DAAM1: variants seen among roughly 807,000 people sequenced by gnomAD.
DAAM1 encodes disheveled-associated activator of morphogenesis 1.
DAAM1 carries 52 observed loss-of-function variants against 130.0 expected under a neutral mutation model. The observed-to-expected ratio is 0.40, with a 90% CI of 0.32 to 0.50. DAAM1 has a LOEUF of 0.50. Ranked by LOEUF, DAAM1 falls within the 20% of genes least tolerant of loss-of-function variation. The pLI is 0.61. For synonymous variants in DAAM1, 452 were observed against 444.5 expected, an observed-to-expected ratio of 1.02 and a Z score of -0.21; for missense variants, 1,134 against 1,303.8, an observed-to-expected ratio of 0.87 and a Z score of 2.01.
chr14:59,259,116 G>C (rs1328692628), intron 1 of DAAM1, among the ~76,000 whole-genome samples: 1 of 152,200 alleles, frequency 6.6e-6, no homozygotes, highest in Admixed American at 6.5e-5. Context: ...TTGGGTTTAA[G>C]TGAAACTTGT....
intron 20 of DAAM1, 43 bp downstream of exon 20, chr14:59,355,376 A>G: frequency 6.2e-7 from 1 of 1,608,670 alleles, no homozygotes; most frequent in Non-Finnish European, 8.5e-7. Flanking sequence ...CCAGGTGTGT[A>G]GGTCCAGGCT....
At position 59,369,913 on chromosome 14, in the gene DAAM1, C is replaced by CTATT. The variant is rs1480322741; in HGVS notation, c.*1058_*1061dup. ...TCAACATCAGCAGAGATGCCCAGAT[C>CTATT]TATTTATCTCTAAGTATATTTGAAG... is the stretch of plus-strand genomic sequence containing the variant. On this transcript the variant is annotated 3_prime_UTR_variant, in exon 25 of 25. Transcript: ENST00000360909. The CTATT allele has an allele frequency of 2.6e-5, 4 of 151,690 alleles. No individual in the cohort carries two copies. The highest frequency in any genetic ancestry group is 5.9e-5 in the Non-Finnish European group (4 of 67,904). 9.4% of individuals were successfully genotyped at this position (151,690 alleles called of 1,614,324 possible).
intron 1 of DAAM1, among the ~76,000 whole-genome samples, chr14:59,241,087 T>A (rs920491183): frequency 6.6e-6 from 1 of 152,244 alleles, no homozygotes; most frequent in Non-Finnish European, 1.5e-5. Flanking sequence ...TGTATTACTT[T>A]AATCTCAGTG....
Position 59,369,333 on chromosome 14 carries a change from G to GAAAAACATAGATTT in DAAM1, c.*479_*492dup, listed in dbSNP as rs1427594806. 1 of 153,120 alleles carries GAAAAACATAGATTT rather than the reference G, an allele frequency of 6.5e-6. No individual in the cohort carries two copies. The highest frequency in any genetic ancestry group is 1.5e-5 in the Non-Finnish European group (1 of 68,424). The allele number at this position is 153,120 out of a possible 1,614,324, so 9.5% of individuals were successfully genotyped here. A position where few individuals can be genotyped will look rare whatever the true frequency, so the allele number is the denominator to read the frequency against. On this transcript the variant is annotated 3_prime_UTR_variant, in exon 25 of 25. Coordinates refer to ENST00000360909, the MANE Select transcript of DAAM1 (RefSeq NM_001270520.2). ...TTCATTGATGGAACTGGAGTTGTTG[G>GAAAAACATAGATTT]AAAAACATAGATTTAAAATGATTTT... is the stretch of plus-strand genomic sequence containing the variant.
intron 3 of DAAM1, among the ~76,000 whole-genome samples, chr14:59,312,560 C>A (rs889913098): frequency 3.9e-5 from 6 of 152,046 alleles, no homozygotes; most frequent in Non-Finnish European, 8.8e-5. Flanking sequence ...GAATGTCTAC[C>A]TCAGTAAGAA....
chr14:59,367,777 T>G (rs1886977574), intron 24 of DAAM1, among the ~76,000 whole-genome samples, 178 bp downstream of exon 24: 1 of 152,128 alleles, frequency 6.6e-6, no homozygotes, highest in South Asian at 2.1e-4. Context: ...CAGTGTATAT[T>G]CAAAGCCTTA....
chr14:59,331,016 A>C (rs1370031559), intron 13 of DAAM1, among the ~76,000 whole-genome samples, 193 bp from the exon 14 acceptor site: 1 of 152,212 alleles, frequency 6.6e-6, no homozygotes, highest in African/African-American at 2.4e-5. Flanking sequence ...CTTGAGTGTC[A>C]GGTACAAAAG....
chr14:59,341,860 C>T (rs1885861899), intron 16 of DAAM1, among the ~76,000 whole-genome samples: 1 of 152,134 alleles, frequency 6.6e-6, no homozygotes, highest in Non-Finnish European at 1.5e-5. Context: ...CTTTAAAACA[C>T]TTGGTGAAGG....
intron 18 of DAAM1, among the ~76,000 whole-genome samples, chr14:59,353,196 T>C (rs535602397): frequency 6.6e-6 from 1 of 152,136 alleles, no homozygotes; most frequent in Non-Finnish European, 1.5e-5. Context: ...AGCTTCGTAA[T>C]TGGGTTTGGC....
chr14:59,280,274 C>T (rs1016678349), intron 2 of DAAM1, among the ~76,000 whole-genome samples: 20 of 152,054 alleles, frequency 1.3e-4, no homozygotes, highest in African/African-American at 4.8e-4. Context: ...AGGCTTTAAT[C>T]TTTAAAATGC....
intron 2 of DAAM1, among the ~76,000 whole-genome samples, chr14:59,284,681 A>G (rs1883364208): frequency 1.4e-5 from 1 of 72,264 alleles, no homozygotes; most frequent in African/African-American, 3.1e-5. Flanking sequence ...TACAATTGGA[A>G]GCATTAACAA....
At chr14:59,341,976 A>C (rs1470490127) in intron 16 of DAAM1, among the ~76,000 whole-genome samples, 4 of 152,230 alleles carry the variant, frequency 2.6e-5, no homozygotes, top group African/African-American at 9.6e-5. Flanking sequence ...CAACCAGGGT[A>C]ATTACACTAG....
chr14:59,282,102 T>TG (rs1471184961), intron 2 of DAAM1, among the ~76,000 whole-genome samples: 3 of 152,154 alleles, frequency 2.0e-5, no homozygotes, highest in Non-Finnish European at 4.4e-5. Flanking sequence ...GTATATTTCC[T>TG]GGGGAAAGCC....
chr14:59,243,539 A>T (rs1245850119), intron 1 of DAAM1, among the ~76,000 whole-genome samples: 1 of 151,870 alleles, frequency 6.6e-6, no homozygotes, highest in Non-Finnish European at 1.5e-5. Context: ...ATTTGAGGTG[A>T]CTCCTTTACA....
chr14:59,321,741 A>G (rs1335334327), intron 5 of DAAM1, among the ~76,000 whole-genome samples: 1 of 152,248 alleles, frequency 6.6e-6, no homozygotes, highest in Non-Finnish European at 1.5e-5. Context: ...GCAAACTAAG[A>G]AAAGTCTGAC....
At chr14:59,317,683 A>G (rs901503891) in intron 4 of DAAM1, among the ~76,000 whole-genome samples, 1 of 152,188 alleles carries the variant, frequency 6.6e-6, no homozygotes, top group African/African-American at 2.4e-5. Context: ...CCAGCATCCT[A>G]TGCTGTAAGT....
chr14:59,249,660 C>G (rs1221870214), intron 1 of DAAM1, among the ~76,000 whole-genome samples: 1 of 152,174 alleles, frequency 6.6e-6, no homozygotes, highest in Non-Finnish European at 1.5e-5. Context: ...TCTCTTTCCC[C>G]TTGTAAATTC....
intron 11 of DAAM1, 136 bp downstream of exon 11, chr14:59,326,784 A>G (rs1418463170): frequency 4.5e-5 from 67 of 1,494,950 alleles, no homozygotes; most frequent in Non-Finnish European, 5.9e-5. Flanking sequence ...CACATGCACT[A>G]TAGCTAAGTA....
intron 20 of DAAM1, chr14:59,357,208 G>A (rs1886517013): frequency 6.6e-6 from 1 of 152,198 alleles, no homozygotes; most frequent in Non-Finnish European, 1.5e-5. Context: ...AGATGTGTAT[G>A]GTTAATGCAA....
Sources: gnomAD v4.1 joint callset for allele counts (sites outside exome capture counted in the v4.1 genomes callset) on GRCh38, gnomAD v4.1.1 for gene constraint, MANE v1.5 for transcripts, NCBI Gene and HGNC (gene_info 2026-07-23, HGNC 2026-07-21) for gene names.